The following RNF150 variants were observed in gnomAD, a reference collection of about 807,000 sequenced individuals.
The protein encoded by RNF150 is ring finger protein 150.
Under a neutral mutation model 39.3 loss-of-function variants are expected in RNF150, and 24 were observed. That is an observed-to-expected ratio of 0.61 (90% CI 0.44 to 0.86). RNF150 has a LOEUF of 0.86. Among genes scored for constraint, RNF150 ranks in the 40% least tolerant of loss-of-function variants. The pLI, the probability that RNF150 is intolerant of heterozygous loss-of-function variation, is 0.00. For synonymous variants in RNF150, 255 were observed against 227.3 expected, an observed-to-expected ratio of 1.12 and a Z score of -1.10; for missense variants, 502 against 587.8, an observed-to-expected ratio of 0.85 and a Z score of 1.51.
At chr4:141,113,207 G>T (rs930878631) in intron 1 of RNF150, among the ~76,000 whole-genome samples, 1 of 151,478 alleles carries the variant, frequency 6.6e-6, no homozygotes, top group Non-Finnish European at 1.5e-5. Flanking sequence ...TTATTACCCC[G>T]CTTCTGAGCC....
At chr4:141,177,872 T>C (rs73849854) in intron 1 of RNF150, among the ~76,000 whole-genome samples, 1,643 of 152,294 alleles carry the variant, frequency 0.011, 30 homozygotes, top group African/African-American at 0.038. Context: ...ATGTTCAATT[T>C]ACCATAAAGA....
At chr4:141,198,261 A>AG (rs1480896561) in intron 1 of RNF150, among the ~76,000 whole-genome samples, 3 of 152,064 alleles carry the variant, frequency 2.0e-5, no homozygotes, top group African/African-American at 7.2e-5. Flanking sequence ...TCCTGACCTC[A>AG]GGTGATCCAC....
At chr4:140,935,046 A>AAT (rs3033124) in intron 4 of RNF150, among the ~76,000 whole-genome samples, 39,584 of 92,274 alleles carry the variant, frequency 0.43, 7,696 homozygotes, top group Non-Finnish European at 0.5. Flanking sequence ...TATATATATA[A>AAT]ATATATATAT....
At chr4:141,181,043 A>T (rs1727901493) in intron 1 of RNF150, among the ~76,000 whole-genome samples, 1 of 152,340 alleles carries the variant, frequency 6.6e-6, no homozygotes, top group East Asian at 1.9e-4. Context: ...TAAAATACAC[A>T]TTTTAATAAA....
chr4:141,142,738 T>G (rs1727141418), intron 1 of RNF150, among the ~76,000 whole-genome samples: 1 of 152,218 alleles, frequency 6.6e-6, no homozygotes, highest in African/African-American at 2.4e-5. Flanking sequence ...CTTGATTTCT[T>G]CAGTGCTACT....
intron 1 of RNF150, among the ~76,000 whole-genome samples, chr4:141,160,727 C>T (rs1209211258): frequency 6.6e-6 from 1 of 152,118 alleles, no homozygotes; most frequent in Non-Finnish European, 1.5e-5. Flanking sequence ...TGTGGCACCT[C>T]CCCCTCCCAC....
At chr4:140,918,817 C>T (rs543492903) in intron 5 of RNF150, among the ~76,000 whole-genome samples, 135 of 152,260 alleles carry the variant, frequency 8.9e-4, no homozygotes, top group Middle Eastern at 3.4e-3. Context: ...TCCAGCAGCA[C>T]ATCAAAAAGC....
At position 140,863,772 on chromosome 4, in the gene RNF150, G is replaced by GA. The variant is rs1240374646; in HGVS notation, c.*4488_*4489insT. 2.0e-5 allele frequency: 3 copies of GA among 152,114 alleles called. No individual in the cohort carries two copies. Among genetic ancestry groups the GA allele is most frequent in the Admixed American group, 2.0e-4 (3 of 15,278 alleles). The allele number at this position is 152,114 out of a possible 1,614,324, so 9.4% of individuals were successfully genotyped here. ...GTGGCCTTAGTACCAGAAAAGACTG[G>GA]GCTCTCGCTCCACAGAGGGAGTGAC... On this transcript the variant is annotated 3_prime_UTR_variant, in exon 7 of 7. Transcript: ENST00000515673.
chr4:141,158,075 G>A (rs779209123), intron 1 of RNF150, among the ~76,000 whole-genome samples: 2 of 152,098 alleles, frequency 1.3e-5, no homozygotes, highest in South Asian at 2.1e-4. Flanking sequence ...GGCGGATCAC[G>A]AGGTCAGGAG....
chr4:140,896,796 G>A (rs147055704), intron 6 of RNF150, among the ~76,000 whole-genome samples: 11 of 151,582 alleles, frequency 7.3e-5, no homozygotes, highest in Admixed American at 2.0e-4. Flanking sequence ...CTAGAATTAC[G>A]GCTTATGCTA....
At chr4:140,911,036 G>GATGT in intron 6 of RNF150, 108 bp downstream of exon 6, 1 of 849,940 alleles carries the variant, frequency 1.2e-6, no homozygotes, top group Admixed American at 2.2e-5. Context: ...ACCTAGCAAT[G>GATGT]ATGTACTCAT....
In RNF150 at chr4:141,144,792, T is replaced by C. The variant is rs1451094200; in HGVS notation, c.-6+68002A>G. Among the ~76,000 whole-genome samples, 4 of 152,320 alleles carry C rather than the reference T, an allele frequency of 2.6e-5. No homozygotes were observed. In the East Asian group the frequency reaches 7.7e-4, roughly 29 times the overall value. On this transcript the variant is annotated intron_variant, in intron 1 of 7. Transcript: ENST00000420921. ...ACAAGTGTTATGAAAGCAGGGACTTTAGTTATATTTCCTAAGTCTTAAAAG... is the reference window on the plus strand; with the variant it reads ...ACAAGTGTTATGAAAGCAGGGACTTCAGTTATATTTCCTAAGTCTTAAAAG...
chr4:140,999,383 T>C (rs1579040159), intron 1 of RNF150, among the ~76,000 whole-genome samples: 1 of 152,216 alleles, frequency 6.6e-6, no homozygotes, highest in Non-Finnish European at 1.5e-5. Context: ...GAAACAGCCA[T>C]ATGTAGAAGC....
intron 1 of RNF150, among the ~76,000 whole-genome samples, chr4:141,121,911 T>C (rs1323787124): frequency 3.3e-5 from 5 of 152,066 alleles, no homozygotes; most frequent in Non-Finnish European, 7.4e-5. Flanking sequence ...CAGACCTGAG[T>C]GCACTCTAGA....
chr4:141,147,731 T>TGA (rs569079076), intron 1 of RNF150, among the ~76,000 whole-genome samples: 1 of 151,834 alleles, frequency 6.6e-6, no homozygotes, highest in South Asian at 2.1e-4. Context: ...AGAGCATAGC[T>TGA]GAGAGAGAGA....
At chr4:141,093,095 G>T (rs76808246) in intron 1 of RNF150, among the ~76,000 whole-genome samples, 1 of 151,982 alleles carries the variant, frequency 6.6e-6, no homozygotes, top group Non-Finnish European at 1.5e-5. Flanking sequence ...GGCTGGGCGC[G>T]GCGGCTCATG....
intron 1 of RNF150, among the ~76,000 whole-genome samples, chr4:141,139,288 G>A (rs191694775): frequency 3.5e-4 from 53 of 152,334 alleles, no homozygotes; most frequent in African/African-American, 1.1e-3. Flanking sequence ...CTGCGCTGAC[G>A]CTCAGAGGAA....
chr4:141,091,228 T>C (rs917326423), intron 1 of RNF150, among the ~76,000 whole-genome samples: 1 of 152,210 alleles, frequency 6.6e-6, no homozygotes, highest in African/African-American at 2.4e-5. Flanking sequence ...GGGATAATTG[T>C]AGCATCTACC....
chr4:141,171,604 G>A (rs1327038823), intron 1 of RNF150, among the ~76,000 whole-genome samples: 1 of 152,112 alleles, frequency 6.6e-6, no homozygotes, highest in Non-Finnish European at 1.5e-5. Flanking sequence ...ACATTCTCTA[G>A]GCACAGGGAT....
Sources: gnomAD v4.1 joint callset for allele counts (sites outside exome capture counted in the v4.1 genomes callset) on GRCh38, gnomAD v4.1.1 for gene constraint, MANE v1.5 for transcripts, NCBI Gene and HGNC (gene_info 2026-07-23, HGNC 2026-07-21) for gene names.